The following TTC29 variants were observed in gnomAD, a reference collection of about 807,000 sequenced individuals.
The protein encoded by TTC29 is tetratricopeptide repeat domain 29, also known as tetratricopeptide repeat protein 29.
A neutral mutation model predicts 58.1 loss-of-function variants in TTC29; 49 were observed. That is an observed-to-expected ratio of 0.84 (90% CI 0.67 to 1.07). The LOEUF (loss-of-function observed/expected upper bound fraction) is 1.07, where lower values mean the gene tolerates loss of function less well. TTC29 is among the 50% of genes least tolerant of loss of function. The pLI, the probability that TTC29 is intolerant of heterozygous loss-of-function variation, is 0.00. For missense variants in TTC29, 582 were observed against 555.6 expected, an observed-to-expected ratio of 1.05 and a Z score of -0.48; for synonymous variants, 209 against 196.8, an observed-to-expected ratio of 1.06 and a Z score of -0.52.
Position 146,803,609 on chromosome 4 carries a change from A to G in TTC29, c.1178T>C (p.Met393Thr), listed in dbSNP as rs1225730627. The G allele has an allele frequency of 6.2e-7, 1 of 1,609,480 alleles. No individual in the cohort carries two copies. The highest frequency in any genetic ancestry group is 1.7e-4 in the Middle Eastern group (1 of 6,034). ...TTVELMSMPL[M>T]DETKVHYGIA... ...TCCATAGTGAACTTTTGTCTCATCC[A>G]TCAGAGGCATGCTCATTAGCTCTAC... Residue 393 changes from methionine to threonine, a missense_variant, in exon 11 of 13, where the codon ATG (methionine) becomes ACG (threonine). Physicochemically the swap from Met to Thr is moderately conservative, Grantham distance 81 (BLOSUM62 -1). Coordinates refer to ENST00000325106, the MANE Select transcript of TTC29 (RefSeq NM_031956.4).
chr4:146,739,823 T>G (rs895517896), intron 11 of TTC29, among the ~76,000 whole-genome samples: 1 of 152,186 alleles, frequency 6.6e-6, no homozygotes, highest in Non-Finnish European at 1.5e-5. Flanking sequence ...TGGTGGGGAC[T>G]GCTAGTTAAC....
chr4:146,710,232 T>C (rs143473129), intron 11 of TTC29, among the ~76,000 whole-genome samples: 1 of 152,288 alleles, frequency 6.6e-6, no homozygotes, highest in Non-Finnish European at 1.5e-5. Flanking sequence ...GGCTATTATA[T>C]ACTATAGCGT....
intron 7 of TTC29, among the ~76,000 whole-genome samples, chr4:146,872,316 G>A (rs1160123873): frequency 6.6e-6 from 1 of 152,050 alleles, no homozygotes; most frequent in Non-Finnish European, 1.5e-5. Context: ...GTAAATCACT[G>A]TGACCTTGCA....
intron 6 of TTC29, among the ~76,000 whole-genome samples, chr4:146,875,716 T>A (rs866045670): frequency 1.2e-3 from 187 of 152,310 alleles, no homozygotes; most frequent in African/African-American, 4.3e-3. Context: ...CCAATGAGGT[T>A]TTTGTATATG....
intron 11 of TTC29, among the ~76,000 whole-genome samples, chr4:146,709,364 C>T (rs1742319542): frequency 6.6e-6 from 1 of 152,120 alleles, no homozygotes; most frequent in Non-Finnish European, 1.5e-5. Flanking sequence ...AATTCTTCTA[C>T]TTCATTGGAA....
At chr4:146,722,013 A>G (rs1457709489) in intron 11 of TTC29, among the ~76,000 whole-genome samples, 1 of 152,126 alleles carries the variant, frequency 6.6e-6, no homozygotes, top group Non-Finnish European at 1.5e-5. Context: ...TCTATACAAC[A>G]ATAACGTTCA....
intron 6 of TTC29, among the ~76,000 whole-genome samples, chr4:146,895,248 G>C (rs908793755): frequency 6.6e-6 from 1 of 152,094 alleles, no homozygotes; most frequent in Admixed American, 6.6e-5. Flanking sequence ...AGCCTGGCAG[G>C]AGCTTCCAAG....
chr4:146,883,679 C>A (rs1285711653), intron 6 of TTC29, among the ~76,000 whole-genome samples: 1 of 151,880 alleles, frequency 6.6e-6, no homozygotes, highest in Admixed American at 6.6e-5. Context: ...ACTGTGGGCT[C>A]GGTGCAACTA....
At chr4:146,771,306 T>C (rs77710698) in intron 11 of TTC29, among the ~76,000 whole-genome samples, 9,185 of 152,126 alleles carry the variant, frequency 0.06, 385 homozygotes, top group Admixed American at 0.13. Context: ...AGGTTTGTTA[T>C]ATAGGCAAAT....
At chr4:146,735,032 T>C (rs796822979) in intron 11 of TTC29, among the ~76,000 whole-genome samples, 34 of 152,078 alleles carry the variant, frequency 2.2e-4, no homozygotes, top group African/African-American at 7.7e-4. Context: ...TGCAAACTAA[T>C]AAGAAAAAAG....
intron 4 of TTC29, among the ~76,000 whole-genome samples, chr4:146,913,723 TA>T (rs1474054524): frequency 6.6e-6 from 1 of 152,134 alleles, no homozygotes; most frequent in African/African-American, 2.4e-5. Context: ...GGTTCTCCTC[TA>T]AATTCCACCA....
chr4:146,887,796 G>T (rs1357013861), intron 6 of TTC29, among the ~76,000 whole-genome samples: 1 of 151,908 alleles, frequency 6.6e-6, no homozygotes, highest in Non-Finnish European at 1.5e-5. Flanking sequence ...TCTCTTCTTG[G>T]ACATCAATTT....
intron 9 of TTC29, among the ~76,000 whole-genome samples, chr4:146,825,744 T>C (rs1045653829): frequency 1.3e-5 from 2 of 152,206 alleles, no homozygotes; most frequent in African/African-American, 2.4e-5. Context: ...ACTAAGTCTC[T>C]TTCTAGGTCT....
chr4:146,730,759 G>A (rs917991076), intron 11 of TTC29, among the ~76,000 whole-genome samples: 16 of 152,154 alleles, frequency 1.1e-4, no homozygotes, highest in Non-Finnish European at 1.6e-4. Context: ...TTGGCGATGC[G>A]AAAGCCATTG....
chr4:146,887,293 T>C lies in TTC29; in HGVS notation c.587-12365A>G, dbSNP rs114933317. Among the ~76,000 whole-genome samples the C allele has an allele frequency of 4.3e-3, 659 of 152,294 alleles. 8 individuals carry two copies. Among genetic ancestry groups the C allele is most frequent in the African/African-American group, 0.016 (645 of 41,574 alleles). On this transcript the variant is annotated intron_variant, in intron 6 of 12. Coordinates refer to ENST00000325106, the MANE Select transcript of TTC29 (RefSeq NM_031956.4). Reference sequence around the variant, plus strand: ...CTGCTTCCTTAAAATGAGGATGATATGCATGCATGAAAAAAATACTCAGTC... The same window carrying C: ...CTGCTTCCTTAAAATGAGGATGATACGCATGCATGAAAAAAATACTCAGTC...
At chr4:146,734,049 C>T (rs1300561771) in intron 11 of TTC29, among the ~76,000 whole-genome samples, 9 of 152,030 alleles carry the variant, frequency 5.9e-5, no homozygotes, top group Admixed American at 2.0e-4. Flanking sequence ...GACAACTGGC[C>T]AAAGGAGAGC....
chr4:146,835,982 G>C (rs1728484157), intron 8 of TTC29, among the ~76,000 whole-genome samples: 1 of 152,150 alleles, frequency 6.6e-6, no homozygotes, highest in Non-Finnish European at 1.5e-5. Context: ...ATTGGAGACA[G>C]ATGCAGCCTG....
At chr4:146,811,732 T>C (rs890660722) in intron 10 of TTC29, among the ~76,000 whole-genome samples, 1 of 152,212 alleles carries the variant, frequency 6.6e-6, no homozygotes, top group Non-Finnish European at 1.5e-5. Flanking sequence ...CTCTGTATAA[T>C]CATGAAGCTC....
intron 4 of TTC29, among the ~76,000 whole-genome samples, chr4:146,922,915 T>C (rs968036843): frequency 5.3e-5 from 8 of 151,874 alleles, no homozygotes; most frequent in South Asian, 2.1e-4. Flanking sequence ...GGAGAAGATT[T>C]AGAAGACCAG....
Sources: gnomAD v4.1 joint callset for allele counts (sites outside exome capture counted in the v4.1 genomes callset) on GRCh38, gnomAD v4.1.1 for gene constraint, MANE v1.5 for transcripts, NCBI Gene and HGNC (gene_info 2026-07-23, HGNC 2026-07-21) for gene names.